GAL: variants seen among roughly 807,000 people sequenced by gnomAD.
The protein encoded by GAL is galanin and GMAP prepropeptide.
Under a neutral mutation model 15.8 loss-of-function variants are expected in GAL, and 14 were observed. The observed-to-expected ratio is 0.89, with a 90% CI of 0.59 to 1.39. The LOEUF is 1.39. Ranked by LOEUF, GAL falls within the 40% of genes most tolerant of loss-of-function variation. The pLI, the probability that GAL is intolerant of heterozygous loss-of-function variation, is 0.00. For missense variants in GAL, 176 were observed against 170.4 expected (o/e 1.03, Z -0.18); for synonymous variants, 79 against 73.8 (o/e 1.07, Z -0.36).
intron 4 of GAL, 97 bp from the exon 5 acceptor site, chr11:68,688,752 A>G: frequency 1.4e-6 from 1 of 708,198 alleles, no homozygotes; most frequent in Non-Finnish European, 2.6e-6. Context: ...CAGATCATTG[A>G]CCTTGCAGCG....
intron 4 of GAL, 43 bp downstream of exon 4, chr11:68,688,143 A>T (rs745945463): frequency 8.3e-7 from 1 of 1,198,350 alleles, no homozygotes; most frequent in Non-Finnish European, 1.2e-6. Flanking sequence ...CCTCACTTCC[A>T]CCAGCTCCCA....
At chr11:68,685,233 G>A (rs1171312116) in intron 2 of GAL, among the ~76,000 whole-genome samples, 2 of 152,208 alleles carry the variant, frequency 1.3e-5, no homozygotes, top group Admixed American at 6.5e-5. Flanking sequence ...TAACCAGGCC[G>A]CCGGGAGAGC....
chr11:68,685,589 T>C lies in GAL; in HGVS notation c.82-5T>C, dbSNP rs1594273870. The stretch of plus-strand genomic sequence containing the variant: ...TGGCATCTGATCCCCTTTTCTCCCT[T>C]CAAGGCCAAGGAAAAACGAGGCTGG... On this transcript the variant is annotated splice_polypyrimidine_tract_variant and splice_region_variant and intron_variant, in intron 2 of 5. Coordinates refer to ENST00000265643, the MANE Select transcript of GAL (RefSeq NM_015973.5). 3 of 1,611,598 alleles carry C rather than the reference T, an allele frequency of 1.9e-6. No individual in the cohort carries two copies. Among genetic ancestry groups the C allele is most frequent in the African/African-American group, 2.7e-5 (2 of 74,972 alleles).
rs1010218614 is a variant in GAL at position 68,688,885 on chromosome 11, T to C, written c.260T>C (p.Met87Thr). ...FDRSIPENNI[M>T]RTIIEFLSFL... is the part of the protein sequence containing the mutation. ...AGGTCCATACCTGAAAACAATATCA[T>C]GCGCACAATCATTGAGTTTCTGTCT... The change falls in exon 5 of 6, where the codon ATG becomes ACG. Residue 87 changes from methionine (M) to threonine (T), a missense_variant. Coordinates refer to ENST00000265643, the MANE Select transcript of GAL (RefSeq NM_015973.5). 7 of 1,574,368 alleles carry C rather than the reference T, an allele frequency of 4.4e-6. No individual in the cohort carries two copies. Among genetic ancestry groups the C allele is most frequent in the African/African-American group, 2.7e-5 (2 of 74,204 alleles).
At chr11:68,686,703 C>T (rs1293162652) in intron 3 of GAL, among the ~76,000 whole-genome samples, 2 of 152,144 alleles carry the variant, frequency 1.3e-5, no homozygotes, top group Admixed American at 1.3e-4. Context: ...CTCTGTGCGG[C>T]CCTCTCATCC....
chr11:68,689,965 C>A (rs542721268), intron 5 of GAL, among the ~76,000 whole-genome samples: 1 of 152,176 alleles, frequency 6.6e-6, no homozygotes, highest in East Asian at 1.9e-4. Context: ...AAAGCGGCCC[C>A]GGTGCTCTGA....
Position 68,684,724 on chromosome 11 carries a change from C to A in GAL, c.-9C>A, listed in dbSNP as rs1228282554. ...GACGCTCCGAACCCGGGCGCAGCCG[C>A]AGCTCAAGGTACTACTGGCGCCGGG... On this transcript the variant is annotated 5_prime_UTR_variant, in exon 1 of 6. Coordinates refer to ENST00000265643, the MANE Select transcript of GAL (RefSeq NM_015973.5). The A allele has an allele frequency of 7.0e-6, 3 of 431,194 alleles. No individual in the cohort carries two copies. The highest frequency in any genetic ancestry group is 4.1e-5 in the African/African-American group (2 of 48,448). 26.7% of individuals were successfully genotyped at this position (431,194 alleles called of 1,614,324 possible). A position where few individuals can be genotyped will look rare whatever the true frequency, so the allele number is the denominator to read the frequency against.
rs934057550 is a variant in GAL at position 68,684,661 on chromosome 11, G to A, written c.-72G>A. 12 of 354,988 alleles carry A rather than the reference G, an allele frequency of 3.4e-5. No individual in the cohort carries two copies. Among genetic ancestry groups the A allele is most frequent in the African/African-American group, 2.1e-4 (10 of 47,038 alleles). 22.0% of individuals were successfully genotyped at this position (354,988 alleles called of 1,614,324 possible). ...GCCCACCCGACCCGGCCCGACGCCC[G>A]GACCTGCCGCCCAGACCCGCCACCG... On this transcript the variant is annotated 5_prime_UTR_variant, in exon 1 of 6. Coordinates refer to ENST00000265643, the MANE Select transcript of GAL (RefSeq NM_015973.5).
chr11:68,685,735 T>G, intron 3 of GAL, 87 bp downstream of exon 3: 3 of 884,552 alleles, frequency 3.4e-6, no homozygotes, highest in East Asian at 2.6e-5. Flanking sequence ...CGCCTGCGGC[T>G]GGGCAGACCC....
rs903462944 is a variant in GAL, at chr11:68,684,561, C to G, written c.-172C>G. The G allele has an allele frequency of 3.3e-5, 6 of 182,240 alleles. No individual in the cohort carries two copies. The highest frequency in any genetic ancestry group is 6.8e-5 in the Non-Finnish European group (6 of 88,142). The allele number at this position is 182,240 out of a possible 1,614,324, so 11.3% of individuals were successfully genotyped here. ...CGGCGGCCACACCGGGCGGCGGACA[C>G]GTGGAGGGACCCGGCCCGCGCCTTC... On this transcript the variant is annotated 5_prime_UTR_variant, in exon 1 of 6. Transcript: ENST00000265643.
At chr11:68,687,707 CA>C (rs1945866660) in intron 3 of GAL, among the ~76,000 whole-genome samples, 1 of 152,202 alleles carries the variant, frequency 6.6e-6, no homozygotes, top group South Asian at 2.1e-4. Context: ...CCTCTGGACC[CA>C]GGCGCAACCC....
intron 1 of GAL, 29 bp downstream of exon 1, chr11:68,684,761 C>A: frequency 1.9e-6 from 1 of 521,852 alleles, no homozygotes; most frequent in Non-Finnish European, 3.4e-6. Flanking sequence ...CGACCCTGCG[C>A]CCCCGGGAGG....
intron 5 of GAL, 64 bp downstream of exon 5, chr11:68,688,990 C>T (rs369017282): frequency 2.1e-5 from 17 of 806,512 alleles, no homozygotes; most frequent in African/African-American, 1.5e-4. Flanking sequence ...AAAGGCCCAT[C>T]GAGAAGAGAA....
chr11:68,685,236 G>A (rs1372733916), intron 2 of GAL, among the ~76,000 whole-genome samples: 2 of 152,186 alleles, frequency 1.3e-5, no homozygotes, highest in African/African-American at 2.4e-5. Context: ...CCAGGCCGCC[G>A]GGAGAGCTCT....
Position 68,684,616 on chromosome 11 carries a change from G to GA in GAL, c.-116dup, listed in dbSNP as rs1945830766. On this transcript the variant is annotated 5_prime_UTR_variant, in exon 1 of 6. Coordinates refer to ENST00000265643, the MANE Select transcript of GAL (RefSeq NM_015973.5). ...CCTGCTGCCGGCCGCGCCATGCGGT[G>GA]AGCGCCCCAGGCCGCCAGAGCCCAC... The GA allele has an allele frequency of 3.7e-6, 1 of 271,814 alleles. No homozygotes were observed. The allele number at this position is 271,814 out of a possible 1,614,324, so 16.8% of individuals were successfully genotyped here.
In GAL at chr11:68,684,976, T is replaced by C. The variant is rs781505935; in HGVS notation, c.53T>C (p.Leu18Pro). Residue 18 changes from leucine to proline, a missense_variant, in exon 2 of 6, where the codon CTT (leucine) becomes CCT (proline). Transcript: ENST00000265643. ...GCCTCCCTCCTCCTCGCCGCGGCCC[T>C]TTCTGCCTCTGCGGGGCTCTGGTCG... is the stretch of plus-strand genomic sequence containing the variant. The part of the protein sequence containing the change: ...LLASLLLAAA[L>P]SASAGLWSPA... The C allele has an allele frequency of 4.4e-5, 70 of 1,607,028 alleles. No individual in the cohort carries two copies. The highest frequency in any genetic ancestry group is 5.8e-5 in the Non-Finnish European group (68 of 1,177,042).
chr11:68,688,978 TA>T, intron 5 of GAL, 52 bp downstream of exon 5: 5 of 884,316 alleles, frequency 5.7e-6, no homozygotes, highest in South Asian at 2.7e-5. Flanking sequence ...ACTGGAAACG[TA>T]AAAGGCCCAT....
chr11:68,690,832 G>T (rs533223491), intron 5 of GAL, 85 bp from the exon 6 acceptor site: 3 of 879,938 alleles, frequency 3.4e-6, no homozygotes, highest in Non-Finnish European at 5.8e-6. Flanking sequence ...ACCACACGCC[G>T]CTTCCTGTAG....
rs1945837611 is a variant in GAL, at chr11:68,685,012, C to T, written c.81+8C>T. On this transcript the variant is annotated splice_region_variant and intron_variant, in intron 2 of 5. Coordinates refer to ENST00000265643, the MANE Select transcript of GAL (RefSeq NM_015973.5). The stretch of plus-strand genomic sequence containing the variant: ...GCGGGGCTCTGGTCGCCGGTAAGTG[C>T]GGGGCGCGTCTCCTCCGAGCGAAGG... 1 of 1,570,190 alleles carries T rather than the reference C, an allele frequency of 6.4e-7. No homozygotes were observed. The highest frequency in any genetic ancestry group is 8.7e-7 in the Non-Finnish European group (1 of 1,151,344).
Sources: allele counts gnomAD v4.1 joint callset (sites outside exome capture counted in the v4.1 genomes callset), GRCh38; gene constraint gnomAD v4.1.1; transcripts MANE v1.5; gene names NCBI Gene and HGNC (gene_info 2026-07-23, HGNC 2026-07-21).